The following JMJD7 variants were observed in gnomAD, a reference collection of about 807,000 sequenced individuals.
JMJD7 encodes the protein jumonji domain containing 7, also known as bifunctional peptidase and (3S)-lysyl hydroxylase JMJD7.
Under a neutral mutation model 41.1 loss-of-function variants are expected in JMJD7, and 41 were observed. That is an observed-to-expected ratio of 1.00 (90% CI 0.78 to 1.30). The LOEUF (loss-of-function observed/expected upper bound fraction) is 1.30, where lower values mean the gene tolerates loss of function less well. JMJD7 is among the 50% of genes most tolerant of loss of function. The probability of loss-of-function intolerance (pLI) is 0.00; values close to 1 mark genes in which losing one functional copy is unlikely to be tolerated. For missense variants in JMJD7, 480 were observed against 420.7 expected (o/e 1.14, Z -1.23); for synonymous variants, 202 against 177.2 (o/e 1.14, Z -1.11).
Position 41,834,850 on chromosome 15 carries a change from C to A in JMJD7, c.175C>A (p.Gln59Lys). 6.2e-7 allele frequency: 1 copy of A among 1,614,258 alleles called. No individual in the cohort carries two copies. The highest frequency in any genetic ancestry group is 8.5e-7 in the Non-Finnish European group (1 of 1,180,050). Residue 59 changes from glutamine (Q) to lysine (K), a missense_variant, in exon 2 of 8, where the codon CAG (glutamine) becomes AAG (lysine). Transcript: ENST00000397299. ...GCCGTGCATTATCCGCAACGCTCTG[C>A]AGCACTGGCCGGCCCTCCAGAAGTG... Reference protein sequence around the residue: ...NRPCIIRNALQHWPALQKWSL... With the variant: ...NRPCIIRNALKHWPALQKWSL...
Position 41,836,479 on chromosome 15 carries a change from G to A in JMJD7, c.630G>A (p.Leu210=), listed in dbSNP as rs199554453. ...CCCTTCTCCCTTGGGCTCCAGAGCTGTACACGCCGGCAACCTACCAGCTAA... is the reference window on the plus strand; with the variant it reads ...CCCTTCTCCCTTGGGCTCCAGAGCTATACACGCCGGCAACCTACCAGCTAA... ...PSDRPFIPYE[L]YTPATYQLTE... Residue 210 remains leucine (L), a synonymous_variant, in exon 6 of 8, where the codon CTG becomes CTA. Transcript: ENST00000397299. The A allele has an allele frequency of 5.8e-5, 92 of 1,583,030 alleles. No homozygotes were observed. The East Asian group carries it at 1.7e-3, about 29-fold the overall frequency.
In JMJD7 at chr15:41,836,860, G is replaced by C; in HGVS notation, c.782G>C (p.Cys261Ser). 6.2e-7 allele frequency: 1 copy of C among 1,613,272 alleles called. No homozygotes were observed. Among genetic ancestry groups the C allele is most frequent in the South Asian group, 1.1e-5 (1 of 91,046 alleles). ...PSYSQAQALR[C>S]TVRAGEMLYL... ...TACAGTCAGGCCCAGGCCCTTCGCT[G>C]CACGGTGCGGGCCGGTGAGATGCTC... The change falls in exon 7 of 8, where the codon TGC becomes TCC. Residue 261 changes from cysteine (C) to serine (S), a missense_variant. Transcript: ENST00000397299.
At position 41,836,492 on chromosome 15, in the gene JMJD7, A is replaced by G; in HGVS notation, c.643A>G (p.Thr215Ala). ...FIPYELYTPA[T>A]YQLTEEGTFK... ...GGCTCCAGAGCTGTACACGCCGGCA[A>G]CCTACCAGCTAACTGAAGAGGGCAC... Residue 215 changes from threonine to alanine, a missense_variant, in exon 6 of 8, where the codon ACC becomes GCC. By Grantham distance (58) the Thr-to-Ala change is moderately conservative. Coordinates refer to ENST00000397299, the MANE Select transcript of JMJD7 (RefSeq NM_001114632.2). 6.3e-7 allele frequency: 1 copy of G among 1,590,130 alleles called. No homozygotes were observed. Among genetic ancestry groups the G allele is most frequent in the Non-Finnish European group, 8.6e-7 (1 of 1,167,744 alleles).
intron 1 of JMJD7, among the ~76,000 whole-genome samples, chr15:41,833,449 C>G (rs1264678488): frequency 1.3e-5 from 1 of 79,090 alleles, no homozygotes; most frequent in Non-Finnish European, 2.5e-5. Flanking sequence ...GAGATAAAGT[C>G]TTGCTCTGTC....
chr15:41,828,324 C>T, intron 1 of JMJD7, 136 bp downstream of exon 1: 2 of 1,076,372 alleles, frequency 1.9e-6, no homozygotes, highest in South Asian at 2.1e-5. Context: ...CTGTGGCAAC[C>T]TGCTTCCCTT....
At chr15:41,832,662 C>T (rs1343110368) in intron 1 of JMJD7, 2 of 152,226 alleles carry the variant, frequency 1.3e-5, no homozygotes, top group African/African-American at 4.8e-5. Context: ...ATTCCTGGGC[C>T]CAGTGGGGTC....
Position 41,835,004 on chromosome 15 carries a change from G to A in JMJD7, c.253G>A (p.Val85Met), listed in dbSNP as rs146955165. 337 of 1,614,090 alleles carry A rather than the reference G, an allele frequency of 2.1e-4. No individual in the cohort carries two copies. Among genetic ancestry groups the A allele is most frequent in the Non-Finnish European group, 6.4e-5 (76 of 1,180,046 alleles). The change falls in exon 3 of 8, where the codon GTG (valine) becomes ATG (methionine). Residue 85 changes from valine (V) to methionine (M), a missense_variant. Physicochemically the swap from Val to Met is conservative, Grantham distance 21. Coordinates refer to ENST00000397299, the MANE Select transcript of JMJD7 (RefSeq NM_001114632.2). Reference sequence around the variant, plus strand: ...GGGCTCCACAGAGGTGAGTGTGGCCGTGACCCCAGATGGTTACGCGGATGC... The same window carrying A: ...GGGCTCCACAGAGGTGAGTGTGGCCATGACCCCAGATGGTTACGCGGATGC... ...TVGSTEVSVA[V>M]TPDGYADAVR...
intron 1 of JMJD7, among the ~76,000 whole-genome samples, chr15:41,834,207 A>C (rs2065275349): frequency 1.3e-5 from 2 of 152,128 alleles, no homozygotes; most frequent in Non-Finnish European, 2.9e-5. Flanking sequence ...GAAGGTTGTA[A>C]ATTTCTTAAG....
chr15:41,828,444 G>A (rs1256285068), intron 1 of JMJD7: 4 of 396,836 alleles, frequency 1.0e-5, no homozygotes, highest in Non-Finnish European at 1.8e-5. Context: ...GTTTCCTACA[G>A]TCTTGAGCAG....
Position 41,835,112 on chromosome 15 carries a change from C to T in JMJD7, c.361C>T (p.Gln121Ter), listed in dbSNP as rs1269633956. The T allele has an allele frequency of 6.2e-7, 1 of 1,612,390 alleles. No homozygotes were observed. Among genetic ancestry groups the T allele is most frequent in the Middle Eastern group, 1.7e-4 (1 of 6,058 alleles). Reference protein sequence around the residue: ...FVLDVLEGRAQHPGVLYVQKQ... With the variant: ...FVLDVLEGRA ...GCTGGATGTGCTGGAGGGCCGGGCCCAGCACCCTGGAGTCCTCTATGTGCA... is the reference window on the plus strand; with the variant it reads ...GCTGGATGTGCTGGAGGGCCGGGCCTAGCACCCTGGAGTCCTCTATGTGCA... The change falls in exon 3 of 8, where the codon CAG becomes TAG. Residue 121 changes from glutamine to a stop codon, truncating the protein, a stop_gained. Transcript: ENST00000397299. LOFTEE classifies it high-confidence loss of function.
intron 1 of JMJD7, among the ~76,000 whole-genome samples, chr15:41,833,414 A>ATATATATTTTT (rs1239528383): frequency 1.9e-4 from 6 of 32,012 alleles, no homozygotes; most frequent in East Asian, 9.9e-4. Context: ...ATATATATAT[A>ATATATATTTTT]TTTTTTTTTT....
chr15:41,837,016 G>A, intron 7 of JMJD7, 52 bp from the exon 8 acceptor site: 6 of 1,609,730 alleles, frequency 3.7e-6, no homozygotes, highest in Non-Finnish European at 5.1e-6. Flanking sequence ...GGCTTGGGAG[G>A]CTCTAGGTCA....
chr15:41,831,075 T>C (rs1421409959), intron 1 of JMJD7, among the ~76,000 whole-genome samples: 1 of 152,200 alleles, frequency 6.6e-6, no homozygotes, highest in African/African-American at 2.4e-5. Flanking sequence ...ATGGGAACTT[T>C]TGGTGCTTTT....
intron 1 of JMJD7, among the ~76,000 whole-genome samples, chr15:41,832,278 T>C (rs1224948887): frequency 2.0e-5 from 3 of 152,216 alleles, no homozygotes; most frequent in African/African-American, 7.2e-5. Flanking sequence ...GAGCACAGCC[T>C]GCAGGGCCGA....
chr15:41,828,201 C>T lies in JMJD7; in HGVS notation c.64+13C>T. ...GCCGCTGCAAGGGGTGAGTGGCTCT[C>T]CCACAGGCTGCGGCGATTTCCGAAC... On this transcript the variant is annotated intron_variant, in intron 1 of 7. Coordinates refer to ENST00000397299, the MANE Select transcript of JMJD7 (RefSeq NM_001114632.2). 1 of 1,503,420 alleles carries T rather than the reference C, an allele frequency of 6.7e-7. No homozygotes were observed. Among genetic ancestry groups the T allele is most frequent in the Non-Finnish European group, 8.8e-7 (1 of 1,138,202 alleles). The allele number at this position is 1,503,420 out of a possible 1,614,324, so 93.1% of individuals were successfully genotyped here.
chr15:41,833,414 A>ATATATATATTTTTTT (rs1239528383), intron 1 of JMJD7, among the ~76,000 whole-genome samples: 4 of 32,012 alleles, frequency 1.2e-4, no homozygotes, highest in African/African-American at 2.8e-4. Flanking sequence ...ATATATATAT[A>ATATATATATTTTTTT]TTTTTTTTTT....
At position 41,835,046 on chromosome 15, in the gene JMJD7, T is replaced by C; in HGVS notation, c.295T>C (p.Phe99Leu). ...CGCGGATGCCGTGAGAGGGGATCGC[T>C]TCATGATGCCAGCTGAGCGCCGCCT... ...GYADAVRGDR[F>L]MMPAERRLPL... Residue 99 changes from phenylalanine (F) to leucine (L), a missense_variant, in exon 3 of 8, where the codon TTC (phenylalanine) becomes CTC (leucine). Transcript: ENST00000397299. 6.2e-7 allele frequency: 1 copy of C among 1,613,926 alleles called. No homozygotes were observed. The highest frequency in any genetic ancestry group is 8.5e-7 in the Non-Finnish European group (1 of 1,180,026).
chr15:41,830,151 C>T (rs568298913), intron 1 of JMJD7, among the ~76,000 whole-genome samples: 10 of 152,272 alleles, frequency 6.6e-5, no homozygotes, highest in African/African-American at 1.7e-4. Flanking sequence ...AGGACCTGCT[C>T]CTCAGCCCAG....
At chr15:41,831,790 C>A (rs2065232469) in intron 1 of JMJD7, among the ~76,000 whole-genome samples, 1 of 152,168 alleles carries the variant, frequency 6.6e-6, no homozygotes, top group South Asian at 2.1e-4. Flanking sequence ...TGTTTACCCT[C>A]TGCTTGTCTG....
Sources: allele counts gnomAD v4.1 joint callset (sites outside exome capture counted in the v4.1 genomes callset), GRCh38; gene constraint gnomAD v4.1.1; transcripts MANE v1.5; gene names NCBI Gene and HGNC (gene_info 2026-07-23, HGNC 2026-07-21).